Variants in WBP2 observed in about 807,000 individuals in gnomAD.
WBP2 encodes the protein WW domain binding protein 2.
A neutral mutation model predicts 33.0 loss-of-function variants in WBP2; 23 were observed. The ratio of observed to expected loss-of-function variants is 0.70; its 90% CI spans 0.50 to 0.99. The LOEUF is 0.99. WBP2 is among the 50% of genes least tolerant of loss of function. The pLI is 0.00. For synonymous variants in WBP2, 153 were observed against 133.5 expected (o/e 1.15, Z -1.01); for missense variants, 353 against 358.0 (o/e 0.99, Z 0.11).
intron 4 of WBP2, 23 bp downstream of exon 4, chr17:75,848,547 C>T (rs1261056428): frequency 6.2e-7 from 1 of 1,608,276 alleles, no homozygotes; most frequent in African/African-American, 1.3e-5. Context: ...GTCTTTAGCC[C>T]CTAATCTTCG....
chr17:75,847,834 G>A lies in WBP2; in HGVS notation c.494C>T (p.Pro165Leu). 6.4e-7 allele frequency: 1 copy of A among 1,558,956 alleles called. No individual in the cohort carries two copies. The highest frequency in any genetic ancestry group is 8.7e-7 in the Non-Finnish European group (1 of 1,151,064). Residue 165 changes from proline (P) to leucine (L), a missense_variant, in exon 5 of 8, where the codon CCC becomes CTC. Coordinates refer to ENST00000254806, the MANE Select transcript of WBP2 (RefSeq NM_012478.4). Reference sequence around the variant, plus strand: ...TGGATAGGGGTAGCCAGGAGGGCAGGGGTACATTCCATTGGCGACTGGCGG... The same window carrying A: ...TGGATAGGGGTAGCCAGGAGGGCAGAGGTACATTCCATTGGCGACTGGCGG... ...YPPPVANGMY[P>L]CPPGYPYPPP...
intron 2 of WBP2, 84 bp from the exon 3 acceptor site, chr17:75,849,823 A>T: frequency 2.6e-6 from 4 of 1,542,270 alleles, no homozygotes; most frequent in Non-Finnish European, 3.5e-6. Flanking sequence ...GGGAGTGACG[A>T]ATCCTCTCCC....
In WBP2 at chr17:75,853,324, G is replaced by A. The variant is rs545326395; in HGVS notation, c.60-1648C>T. ...GCCTCCCAAAGTGCTGGGATTACAG[G>A]CGTGAGCCACCATGCCCAGCCTAAT... On this transcript the variant is annotated intron_variant, in intron 1 of 7. Transcript: ENST00000254806. Among the ~76,000 whole-genome samples, 19 of 152,330 alleles carry A rather than the reference G, an allele frequency of 1.2e-4. No homozygotes were observed. In the South Asian group the frequency reaches 2.9e-3, roughly 23 times the overall value.
intron 2 of WBP2, 128 bp from the exon 3 acceptor site, chr17:75,849,867 T>C: frequency 1.6e-6 from 2 of 1,288,306 alleles, no homozygotes; most frequent in Non-Finnish European, 1.1e-6. Flanking sequence ...TGGCTCTCTC[T>C]GTGCCAGACA....
chr17:75,855,256 G>C lies in WBP2; in HGVS notation c.42C>G (p.Ile14Met). ...GTTTTCACCTCTCGGTGTTATTGACGATCACTCCGCCGCCCTCCGAGTGAT... is the reference window on the plus strand; with the variant it reads ...GTTTTCACCTCTCGGTGTTATTGACCATCACTCCGCCGCCCTCCGAGTGAT... ...NKNHSEGGGV[I>M]VNNTESILMS... The change falls in exon 1 of 8, where the codon ATC (isoleucine) becomes ATG (methionine). Residue 14 changes from isoleucine to methionine, a missense_variant. Ile to Met is a conservative substitution (Grantham distance 10, BLOSUM62 1). Coordinates refer to ENST00000254806, the MANE Select transcript of WBP2 (RefSeq NM_012478.4). 1 of 1,609,222 alleles carries C rather than the reference G, an allele frequency of 6.2e-7. No homozygotes were observed. Among genetic ancestry groups the C allele is most frequent in the Non-Finnish European group, 8.5e-7 (1 of 1,179,374 alleles).
rs139017598 is a variant in WBP2, at chr17:75,846,917, G to A, written c.723C>T (p.Tyr241=). Residue 241 remains tyrosine (Y), a synonymous_variant, in exon 7 of 8, where the codon TAC becomes TAT. Transcript: ENST00000254806. This position sits in a 1 kb window ranked among gnomAD's most constrained non-coding sequence, Gnocchi z 4.8. The part of the protein sequence containing the change: ...YYNPGNPHNV[Y]MPTSQPPPPP... ...TGCCAAGCCCTCTCACCGTGGGCAT[G>A]TAGACGTTGTGAGGATTGCCTGGGT... The A allele has an allele frequency of 3.1e-5, 50 of 1,614,170 alleles. No homozygotes were observed. In the African/African-American group the frequency reaches 5.9e-4, roughly 19 times the overall value.
rs749551900 is a variant in WBP2, at chr17:75,855,331, G to C, written c.-34C>G. On this transcript the variant is annotated 5_prime_UTR_variant, in exon 1 of 8. Coordinates refer to ENST00000254806, the MANE Select transcript of WBP2 (RefSeq NM_012478.4). ...CAACAGGGGTCCCGAGACTCAAAAC[G>C]CAATGAGCTTGCGCCCCTCTTCGCC... The C allele has an allele frequency of 2.4e-5, 38 of 1,609,178 alleles. No homozygotes were observed. The highest frequency in any genetic ancestry group is 6.8e-6 in the Non-Finnish European group (8 of 1,179,176).
chr17:75,849,506 A>G, intron 3 of WBP2, 98 bp downstream of exon 3: 11 of 1,492,992 alleles, frequency 7.4e-6, no homozygotes, highest in Non-Finnish European at 1.0e-5. Flanking sequence ...GGCTAGGGCG[A>G]TAAGGGTCTG....
At chr17:75,854,143 G>A (rs887744095) in intron 1 of WBP2, among the ~76,000 whole-genome samples, 2 of 151,874 alleles carry the variant, frequency 1.3e-5, no homozygotes, top group African/African-American at 4.8e-5. Context: ...ACTCTGAGCG[G>A]GTAAGATAGA....
At position 75,848,081 on chromosome 17, in the gene WBP2, C is replaced by T. The variant is rs984622201; in HGVS notation, c.398-151G>A. On this transcript the variant is annotated intron_variant, in intron 4 of 7. Coordinates refer to ENST00000254806, the MANE Select transcript of WBP2 (RefSeq NM_012478.4). The stretch of plus-strand genomic sequence containing the variant: ...TCCCACTCCACCCTCCACCCATACT[C>T]GGGGGGCCACCTTGGTCAGGGATGA... 102 of 1,071,982 alleles carry T rather than the reference C, an allele frequency of 9.5e-5. No homozygotes were observed. The Admixed American group carries it at 1.8e-3, about 19-fold the overall frequency. 66.4% of individuals were successfully genotyped at this position (1,071,982 alleles called of 1,614,324 possible).
At chr17:75,855,494 T>C, upstream of WBP2, 1 of 611,810 alleles carries the variant, frequency 1.6e-6, no homozygotes, top group South Asian at 1.9e-5. Context: ...ACAAACAAGA[T>C]GAAGACTACA....
At chr17:75,851,736 G>A in intron 1 of WBP2, 60 bp from the exon 2 acceptor site, 1 of 1,288,440 alleles carries the variant, frequency 7.8e-7, no homozygotes, top group East Asian at 2.4e-5. Flanking sequence ...ACGTCACCCA[G>A]ACACTGGGCC....
Position 75,850,488 on chromosome 17 carries a change from G to A in WBP2, c.169-749C>T, listed in dbSNP as rs564824810. Reference sequence around the variant, plus strand: ...TCTCGATCTCCTGACCTCATGATCCGCCCGCCTCGGCCTCCCAAAGTGCTG... The same window carrying A: ...TCTCGATCTCCTGACCTCATGATCCACCCGCCTCGGCCTCCCAAAGTGCTG... On this transcript the variant is annotated intron_variant, in intron 2 of 7. Transcript: ENST00000254806. Among the ~76,000 whole-genome samples the A allele has an allele frequency of 2.2e-4, 34 of 152,054 alleles. No individual in the cohort carries two copies. In the South Asian group the frequency reaches 3.5e-3, roughly 16 times the overall value.
At position 75,845,703 on chromosome 17, in the gene WBP2, G is replaced by A. The variant is rs545692295; in HGVS notation, c.*1031C>T. ...CACACGCAGAGCCAGAAAGGGTCCA[G>A]TTATTTCATTTTTACTATTTCACAT... On this transcript the variant is annotated 3_prime_UTR_variant, in exon 8 of 8. Transcript: ENST00000254806. 4.6e-4 allele frequency: 71 copies of A among 152,704 alleles called. No individual in the cohort carries two copies. The highest frequency in any genetic ancestry group is 1.7e-3 in the African/African-American group (70 of 41,592). The allele number at this position is 152,704 out of a possible 1,614,324, so 9.5% of individuals were successfully genotyped here. A position where few individuals can be genotyped will look rare whatever the true frequency, so the allele number is the denominator to read the frequency against.
At chr17:75,850,835 A>G (rs1200363317) in intron 2 of WBP2, among the ~76,000 whole-genome samples, 1 of 152,032 alleles carries the variant, frequency 6.6e-6, no homozygotes, top group Non-Finnish European at 1.5e-5. Flanking sequence ...CTGAGACTAG[A>G]GGCATGTGCC....
rs1567828846 is a variant in WBP2 at position 75,855,273 on chromosome 17, C to A, written c.25G>T (p.Glu9Ter). The A allele has an allele frequency of 6.2e-7, 1 of 1,612,984 alleles. No homozygotes were observed. The highest frequency in any genetic ancestry group is 1.3e-5 in the African/African-American group (1 of 74,904). ...TTATTGACGATCACTCCGCCGCCCT[C>A]CGAGTGATTCTTGTTGAGCGCCATA... MALNKNHS[E>*]GGGVIVNNTE... The change falls in exon 1 of 8, where the codon GAG (glutamate) becomes TAG (stop). Residue 9 changes from glutamate to a stop codon, truncating the protein, a stop_gained. Coordinates refer to ENST00000254806, the MANE Select transcript of WBP2 (RefSeq NM_012478.4). LOFTEE classifies it high-confidence loss of function.
Position 75,847,796 on chromosome 17 carries a change from C to A in WBP2, c.532G>T (p.Glu178Ter). ...PGYPYPPPPP[E>*]FYPGPPMMDG... ...TGGGGGCAGCAAAGGACACACTCAC[C>A]AGGTGGGGGCGGTGGATAGGGGTAG... Residue 178 changes from glutamate (E) to a stop codon, truncating the protein, a stop_gained and splice_region_variant, in exon 5 of 8, where the codon GAG becomes TAG. Coordinates refer to ENST00000254806, the MANE Select transcript of WBP2 (RefSeq NM_012478.4). LOFTEE classifies it high-confidence loss of function. The A allele has an allele frequency of 6.4e-7, 1 of 1,554,366 alleles. No homozygotes were observed. The highest frequency in any genetic ancestry group is 1.9e-5 in the Admixed American group (1 of 51,324).
chr17:75,853,395 A>G (rs945109867), intron 1 of WBP2, among the ~76,000 whole-genome samples: 8 of 152,250 alleles, frequency 5.3e-5, no homozygotes, highest in Non-Finnish European at 8.8e-5. Flanking sequence ...TGTTATAGAT[A>G]CAACTTTTTC....
chr17:75,846,899 C>T lies in WBP2; in HGVS notation c.732+9G>A, dbSNP rs759345962. On this transcript the variant is annotated intron_variant, in intron 7 of 7. Transcript: ENST00000254806. The surrounding 1 kb of genome is among the most constrained non-coding windows in gnomAD (Gnocchi z 4.8). ...GTGGGGCTGCACCGGCACTGCCAAG[C>T]CCTCTCACCGTGGGCATGTAGACGT... is the stretch of plus-strand genomic sequence containing the variant. The T allele has an allele frequency of 6.2e-7, 1 of 1,614,082 alleles. No homozygotes were observed. Among genetic ancestry groups the T allele is most frequent in the Non-Finnish European group, 8.5e-7 (1 of 1,179,968 alleles).
Sources: allele counts gnomAD v4.1 joint callset (sites outside exome capture counted in the v4.1 genomes callset), GRCh38; gene constraint gnomAD v4.1.1; non-coding constraint Gnocchi (gnomAD v3.1); transcripts MANE v1.5; gene names NCBI Gene and HGNC (gene_info 2026-07-23, HGNC 2026-07-21).